Variants in CHL1 observed in about 807,000 individuals in gnomAD.
CHL1 encodes cell adhesion molecule L1 like.
In CHL1, 96 loss-of-function variants were observed where a neutral mutation model predicts 141.9. The observed-to-expected ratio is 0.68, with a 90% CI of 0.57 to 0.80. The LOEUF (loss-of-function observed/expected upper bound fraction) is 0.80. CHL1 is among the 30% of genes least tolerant of loss of function. CHL1 has a pLI of 0.00. For synonymous variants in CHL1, 613 were observed against 502.2 expected (o/e 1.22, Z -2.95); for missense variants, 1,820 against 1,457.2 (o/e 1.25, Z -4.05).
At chr3:372,086 A>T (rs4002783) in intron 15 of CHL1, among the ~76,000 whole-genome samples, 1 of 152,036 alleles carries the variant, frequency 6.6e-6, no homozygotes, top group African/African-American at 2.4e-5. Context: ...TATGTGTCTT[A>T]GGGTTAATCT....
intron 2 of CHL1, among the ~76,000 whole-genome samples, chr3:245,763 G>C (rs1437529872): frequency 6.6e-6 from 1 of 152,056 alleles, no homozygotes; most frequent in Non-Finnish European, 1.5e-5. Flanking sequence ...TAGCATACCT[G>C]GTTCCTGGTA....
intron 5 of CHL1, among the ~76,000 whole-genome samples, chr3:335,243 A>G (rs1344062460): frequency 1.3e-5 from 2 of 152,216 alleles, no homozygotes; most frequent in African/African-American, 4.8e-5. Flanking sequence ...TTGTTCAATT[A>G]AGGGTGCAAC....
chr3:295,219 G>A (rs1410416629), intron 2 of CHL1, among the ~76,000 whole-genome samples: 1 of 152,158 alleles, frequency 6.6e-6, no homozygotes, highest in Non-Finnish European at 1.5e-5. Flanking sequence ...TCTTCAGAGG[G>A]CCTGTTAGAG....
intron 1 of CHL1, among the ~76,000 whole-genome samples, chr3:238,085 TG>T (rs1692171707): frequency 6.6e-6 from 1 of 152,244 alleles, no homozygotes; most frequent in South Asian, 2.1e-4. Context: ...TGTTCATTTT[TG>T]CAGTACTAGT....
chr3:303,748 C>T (rs949359847), intron 2 of CHL1, among the ~76,000 whole-genome samples: 1 of 152,186 alleles, frequency 6.6e-6, no homozygotes, highest in South Asian at 2.1e-4. Flanking sequence ...CTGGCCGGAA[C>T]TTCCAATACT....
chr3:242,608 TA>T (rs1285534164), intron 1 of CHL1, among the ~76,000 whole-genome samples: 48 of 150,760 alleles, frequency 3.2e-4, no homozygotes, highest in South Asian at 1.9e-3. Flanking sequence ...AATAAATAAA[TA>T]AAATAAAATA....
chr3:242,356 G>A (rs1377601059), intron 1 of CHL1, among the ~76,000 whole-genome samples: 2 of 147,896 alleles, frequency 1.4e-5, no homozygotes, highest in Admixed American at 6.8e-5. Flanking sequence ...CAGCACTTTG[G>A]GAGGCTGAGG....
chr3:402,140 T>C (rs1292509657), intron 27 of CHL1, among the ~76,000 whole-genome samples: 2 of 152,310 alleles, frequency 1.3e-5, no homozygotes, highest in Middle Eastern at 3.4e-3. Context: ...ATCCTATATA[T>C]GCAAATGACT....
Position 394,485 on chromosome 3 carries a change from A to C in CHL1, c.2915-208A>C, listed in dbSNP as rs73105065. The stretch of plus-strand genomic sequence containing the variant: ...AAATTTAGAGACCCAAGATGGGAGC[A>C]AAGGGCTTATTCTTGCGAGACCTCA... On this transcript the variant is annotated intron_variant, in intron 23 of 27. Transcript: ENST00000256509. 7.2e-3 allele frequency among the ~76,000 whole-genome samples: 1,097 copies of C among 152,290 alleles called. 12 individuals are homozygous for C. Among genetic ancestry groups the C allele is most frequent in the African/African-American group, 0.025 (1,040 of 41,552 alleles).
chr3:238,389 C>T (rs11714146), intron 1 of CHL1, among the ~76,000 whole-genome samples: 2 of 150,614 alleles, frequency 1.3e-5, no homozygotes, highest in African/African-American at 4.9e-5. Flanking sequence ...GTTTAAAGAT[C>T]AATTGAGATC....
chr3:360,382 G>C lies in CHL1; in HGVS notation c.1264G>C (p.Val422Leu). The stretch of plus-strand genomic sequence containing the variant: ...TGTGTACCAGTGTGAAGCCTCAAAT[G>C]TCCATGGAACTATCCTTGCCAATGC... ...TAVYQCEASNVHGTILANANI... is the reference protein window; with the variant it reads ...TAVYQCEASNLHGTILANANI... The change falls in exon 12 of 28, where the codon GTC (valine) becomes CTC (leucine). Residue 422 changes from valine (V) to leucine (L), a missense_variant. By Grantham distance (32) the Val-to-Leu change is conservative. Transcript: ENST00000256509. 1 of 1,613,824 alleles carries C rather than the reference G, an allele frequency of 6.2e-7. No individual in the cohort carries two copies. The highest frequency in any genetic ancestry group is 8.5e-7 in the Non-Finnish European group (1 of 1,179,842).
intron 1 of CHL1, among the ~76,000 whole-genome samples, chr3:235,769 C>T (rs1265873918): frequency 1.3e-5 from 2 of 152,126 alleles, no homozygotes; most frequent in African/African-American, 2.4e-5. Flanking sequence ...TTGACTTATT[C>T]TTAACTTACA....
chr3:272,085 A>G (rs1286157151), intron 2 of CHL1, among the ~76,000 whole-genome samples: 1 of 152,248 alleles, frequency 6.6e-6, no homozygotes, highest in African/African-American at 2.4e-5. Flanking sequence ...TAACATTCAT[A>G]TAGATAATCT....
At chr3:211,780 A>G (rs1189546468) in intron 1 of CHL1, among the ~76,000 whole-genome samples, 1 of 152,242 alleles carries the variant, frequency 6.6e-6, no homozygotes, top group Non-Finnish European at 1.5e-5. Context: ...GCTATGATGA[A>G]TTTAGTTCTG....
At chr3:392,034 C>T (rs1708269334) in intron 23 of CHL1, among the ~76,000 whole-genome samples, 1 of 152,306 alleles carries the variant, frequency 6.6e-6, no homozygotes, top group South Asian at 2.1e-4. Context: ...TATATGTCTA[C>T]AGCTACTTTC....
At chr3:206,732 T>C (rs979400001) in intron 1 of CHL1, among the ~76,000 whole-genome samples, 2 of 152,188 alleles carry the variant, frequency 1.3e-5, no homozygotes, top group South Asian at 2.1e-4. Flanking sequence ...AAGCGTCTAA[T>C]GGTCTGACTC....
chr3:253,715 A>G (rs999728487), intron 2 of CHL1, among the ~76,000 whole-genome samples: 2 of 152,180 alleles, frequency 1.3e-5, no homozygotes, highest in Admixed American at 6.6e-5. Context: ...TGTAAGCTCT[A>G]TTTGAACAAA....
At chr3:358,958 T>G (rs918659218) in intron 11 of CHL1, among the ~76,000 whole-genome samples, 11 of 146,304 alleles carry the variant, frequency 7.5e-5, no homozygotes, top group South Asian at 2.1e-4. Flanking sequence ...TGGATTTATA[T>G]ATATAAAATA....
At chr3:341,174 T>C (rs1308735086) in intron 6 of CHL1, among the ~76,000 whole-genome samples, 1 of 152,158 alleles carries the variant, frequency 6.6e-6, no homozygotes, top group African/African-American at 2.4e-5. Flanking sequence ...AGCTTCATCT[T>C]TCTATTTTAG....
Sources: allele counts gnomAD v4.1 joint callset (sites outside exome capture counted in the v4.1 genomes callset), GRCh38; gene constraint gnomAD v4.1.1; transcripts MANE v1.5; gene names NCBI Gene and HGNC (gene_info 2026-07-23, HGNC 2026-07-21).